The following SYBU variants were observed in gnomAD, a reference collection of about 807,000 sequenced individuals.
SYBU encodes GOLSYN A protein.
SYBU carries 21 observed loss-of-function variants against 35.9 expected under a neutral mutation model. The ratio of observed to expected loss-of-function variants is 0.58; its 90% CI spans 0.41 to 0.84. SYBU has a LOEUF of 0.84. Ranked by LOEUF, SYBU falls within the 40% of genes least tolerant of loss-of-function variation. The probability of loss-of-function intolerance (pLI) is 0.00; values close to 1 mark genes in which losing one functional copy is unlikely to be tolerated. For missense variants in SYBU, 768 were observed against 848.2 expected, an observed-to-expected ratio of 0.91 and a Z score of 1.17; for synonymous variants, 319 against 324.3, an observed-to-expected ratio of 0.98 and a Z score of 0.18.
chr8:109,676,244 C>T (rs3134328), intron 1 of SYBU, among the ~76,000 whole-genome samples: 29,057 of 152,030 alleles, frequency 0.19, 3,626 homozygotes, highest in East Asian at 0.41. Context: ...GGATACCCTC[C>T]GTCATCACTC....
intron 3 of SYBU, among the ~76,000 whole-genome samples, chr8:109,587,405 T>C (rs1823742556): frequency 1.3e-5 from 2 of 152,236 alleles, no homozygotes; most frequent in Non-Finnish European, 1.5e-5. Flanking sequence ...TGAAGCTGTT[T>C]GTCTGAAGCT....
chr8:109,582,052 C>T (rs937930677), intron 4 of SYBU, among the ~76,000 whole-genome samples: 4 of 152,134 alleles, frequency 2.6e-5, no homozygotes, highest in Admixed American at 2.6e-4. Context: ...CTAAGTCTGG[C>T]ATCAACCAGA....
chr8:109,687,505 G>C (rs1354158505), intron 1 of SYBU, among the ~76,000 whole-genome samples: 1 of 152,080 alleles, frequency 6.6e-6, no homozygotes, highest in Non-Finnish European at 1.5e-5. Flanking sequence ...CAAGCATATA[G>C]TTCTGATTTT....
At position 109,576,028 on chromosome 8, in the gene SYBU, C is replaced by T; in HGVS notation, c.885-15G>A. On this transcript the variant is annotated splice_polypyrimidine_tract_variant and intron_variant, in intron 6 of 6. Transcript: ENST00000276646. ...TTTCACTTTCCCTAGAGTGCCAAGACAAGCATGGTTAATTAAAAAAAAAAA... is the reference window on the plus strand; with the variant it reads ...TTTCACTTTCCCTAGAGTGCCAAGATAAGCATGGTTAATTAAAAAAAAAAA... 2.0e-6 allele frequency: 1 copy of T among 511,572 alleles called. No homozygotes were observed. The highest frequency in any genetic ancestry group is 3.1e-6 in the Non-Finnish European group (1 of 326,756). The allele number at this position is 511,572 out of a possible 1,614,324, so 31.7% of individuals were successfully genotyped here.
intron 1 of SYBU, among the ~76,000 whole-genome samples, chr8:109,679,055 C>A (rs1817307420): frequency 6.6e-6 from 1 of 152,114 alleles, no homozygotes. Context: ...GGCCTAAACC[C>A]ACCAAAACCA....
chr8:109,577,876 G>T lies in SYBU; in HGVS notation c.876C>A (p.Leu292=). 6.2e-7 allele frequency: 1 copy of T among 1,612,260 alleles called. No homozygotes were observed. The highest frequency in any genetic ancestry group is 8.5e-7 in the Non-Finnish European group (1 of 1,179,140). The part of the protein sequence containing the change: ...KTKLKESERR[L]HERESEIVEL... Reference sequence around the variant, plus strand: ...AAGGAAGGCAGATTCACCTTTCATGGAGTCGGCGCTCAGATTCCTTCAGCT... The same window carrying T: ...AAGGAAGGCAGATTCACCTTTCATGTAGTCGGCGCTCAGATTCCTTCAGCT... Residue 292 remains leucine (L), a synonymous_variant, in exon 6 of 7, where the codon CTC becomes CTA. Transcript: ENST00000276646.
At chr8:109,577,802 T>C in intron 6 of SYBU, 66 bp downstream of exon 6, 1 of 1,455,042 alleles carries the variant, frequency 6.9e-7, no homozygotes, top group African/African-American at 1.4e-5. Flanking sequence ...ATAGTTTGGG[T>C]TCATATTTCA....
intron 1 of SYBU, among the ~76,000 whole-genome samples, chr8:109,661,646 A>G (rs1023697353): frequency 6.6e-6 from 1 of 152,182 alleles, no homozygotes; most frequent in Non-Finnish European, 1.5e-5. Context: ...AAAATTATGG[A>G]GCTGCCTCTT....
chr8:109,578,616 C>T (rs975414042), intron 5 of SYBU, among the ~76,000 whole-genome samples: 2 of 152,030 alleles, frequency 1.3e-5, no homozygotes, highest in Admixed American at 6.5e-5. Context: ...AGAATAGGGA[C>T]CGTGGAGGAG....
intron 3 of SYBU, among the ~76,000 whole-genome samples, chr8:109,596,059 G>A (rs1206221289): frequency 1.3e-5 from 2 of 152,154 alleles, no homozygotes; most frequent in African/African-American, 2.4e-5. Flanking sequence ...ACCCTTAATG[G>A]TCTACTGATC....
chr8:109,613,474 G>A (rs552077782), intron 3 of SYBU, among the ~76,000 whole-genome samples: 98 of 152,284 alleles, frequency 6.4e-4, no homozygotes, highest in Middle Eastern at 3.4e-3. Context: ...CAAAATAGTG[G>A]TATAAAGACT....
chr8:109,588,836 A>G (rs930465135), intron 3 of SYBU, among the ~76,000 whole-genome samples: 2 of 152,016 alleles, frequency 1.3e-5, no homozygotes, highest in Non-Finnish European at 2.9e-5. Flanking sequence ...TGGGGTTATT[A>G]AAATCACGCA....
At chr8:109,622,001 T>C (rs552428602) in intron 2 of SYBU, among the ~76,000 whole-genome samples, 27 of 152,222 alleles carry the variant, frequency 1.8e-4, no homozygotes, top group Non-Finnish European at 3.7e-4. Context: ...GCTCCTTCTC[T>C]GCTCTCCCTC....
intron 2 of SYBU, among the ~76,000 whole-genome samples, chr8:109,623,226 G>A (rs1812634520): frequency 6.6e-6 from 1 of 152,020 alleles, no homozygotes; most frequent in Non-Finnish European, 1.5e-5. Context: ...TCCTTAGACG[G>A]GTCCAAGATA....
At chr8:109,669,690 C>A (rs1387265330) in intron 1 of SYBU, among the ~76,000 whole-genome samples, 1 of 152,182 alleles carries the variant, frequency 6.6e-6, no homozygotes, top group Non-Finnish European at 1.5e-5. Context: ...CAGCCAGAGG[C>A]TACTATTTCA....
intron 3 of SYBU, among the ~76,000 whole-genome samples, chr8:109,608,982 G>A (rs966282649): frequency 6.6e-6 from 1 of 152,140 alleles, no homozygotes; most frequent in Admixed American, 6.5e-5. Flanking sequence ...ATGCAAAGAA[G>A]CTACATATTA....
chr8:109,586,789 T>C (rs1823671545), intron 3 of SYBU, among the ~76,000 whole-genome samples: 1 of 152,232 alleles, frequency 6.6e-6, no homozygotes. Context: ...ACCTGTAAAT[T>C]ACACTGAAAT....
intron 2 of SYBU, among the ~76,000 whole-genome samples, chr8:109,624,602 G>C (rs897087552): frequency 2.0e-5 from 3 of 152,158 alleles, no homozygotes; most frequent in Non-Finnish European, 4.4e-5. Context: ...TCTTCCCATC[G>C]CCAACAGTGG....
In SYBU at chr8:109,644,692, G is replaced by T. The variant is rs773697794; in HGVS notation, c.-33C>A. 2 of 1,498,428 alleles carry T rather than the reference G, an allele frequency of 1.3e-6. No homozygotes were observed. Among genetic ancestry groups the T allele is most frequent in the Non-Finnish European group, 1.8e-6 (2 of 1,131,456 alleles). 92.8% of individuals were successfully genotyped at this position (1,498,428 alleles called of 1,614,324 possible). ...CTGCCCGCCGGCTCCTCGCGCCGCC[G>T]CTGCCGCCGTCCAGGAGGAGGCACC... is the stretch of plus-strand genomic sequence containing the variant. On this transcript the variant is annotated 5_prime_UTR_variant, in exon 1 of 7. Coordinates refer to ENST00000276646, the MANE Select transcript of SYBU (RefSeq NM_001099754.2).
Sources: gnomAD v4.1 joint callset for allele counts (sites outside exome capture counted in the v4.1 genomes callset) on GRCh38, gnomAD v4.1.1 for gene constraint, MANE v1.5 for transcripts, NCBI Gene and HGNC (gene_info 2026-07-23, HGNC 2026-07-21) for gene names.